CCNA1: variants seen among roughly 807,000 people sequenced by gnomAD.
CCNA1 encodes cyclin A1.
Under a neutral mutation model 54.1 loss-of-function variants are expected in CCNA1, and 23 were observed. That is an observed-to-expected ratio of 0.42 (90% CI 0.31 to 0.60). The LOEUF (loss-of-function observed/expected upper bound fraction) is 0.60, where lower values mean the gene tolerates loss of function less well. CCNA1 is among the 20% of genes least tolerant of loss of function. The pLI, the probability that CCNA1 is intolerant of heterozygous loss-of-function variation, is 0.14. For missense variants in CCNA1, 450 were observed against 556.7 expected (o/e 0.81, Z 1.93); for synonymous variants, 208 against 213.9 (o/e 0.97, Z 0.24).
intron 8 of CCNA1, 96 bp from the exon 9 acceptor site, chr13:36,442,518 A>G: frequency 2.3e-6 from 3 of 1,289,834 alleles, no homozygotes; most frequent in Non-Finnish European, 3.3e-6. Context: ...CCTTCCTTCC[A>G]TTCTGTTAAA....
intron 5 of CCNA1, among the ~76,000 whole-genome samples, chr13:36,439,427 A>T (rs2055848951): frequency 6.6e-6 from 1 of 152,222 alleles, no homozygotes; most frequent in South Asian, 2.1e-4. Flanking sequence ...TCTATTGTTA[A>T]TGCAGAAAAA....
At chr13:36,435,811 A>G (rs1350545131) in intron 2 of CCNA1, among the ~76,000 whole-genome samples, 2 of 152,110 alleles carry the variant, frequency 1.3e-5, no homozygotes, top group Non-Finnish European at 2.9e-5. Flanking sequence ...AGGTCATATA[A>G]TAAGCAACGT....
intron 4 of CCNA1, 107 bp from the exon 5 acceptor site, chr13:36,438,537 C>A: frequency 2.6e-6 from 2 of 780,684 alleles, no homozygotes; most frequent in South Asian, 3.6e-5. Context: ...TGGCTCTGAT[C>A]AGAATCTTTC....
chr13:36,437,484 T>C, intron 2 of CCNA1, 145 bp from the exon 3 acceptor site: 1 of 800,758 alleles, frequency 1.2e-6, no homozygotes, highest in African/African-American at 1.7e-5. Flanking sequence ...GAAGACCTTT[T>C]TTTTTTGGAA....
chr13:36,434,181 A>G (rs1354265547), intron 2 of CCNA1, among the ~76,000 whole-genome samples: 4 of 152,230 alleles, frequency 2.6e-5, no homozygotes, highest in African/African-American at 9.6e-5. Context: ...GAAGGCAGAC[A>G]TCTTCCCAGT....
rs1249425100 is a variant in CCNA1 at position 36,438,728 on chromosome 13, G to C, written c.754G>C (p.Val252Leu). The change falls in exon 5 of 9, where the codon GTG (valine) becomes CTG (leucine). Residue 252 changes from valine to leucine, a missense_variant. Val to Leu is a conservative substitution (Grantham distance 32). Coordinates refer to ENST00000255465, the MANE Select transcript of CCNA1 (RefSeq NM_003914.4). ...GCGCACGATTCTGGTGGACTGGCTGGTGGAGGTTGGGGAAGAATATAAACT... is the reference window on the plus strand; with the variant it reads ...GCGCACGATTCTGGTGGACTGGCTGCTGGAGGTTGGGGAAGAATATAAACT... The C allele has an allele frequency of 2.5e-6, 4 of 1,614,012 alleles. No individual in the cohort carries two copies. The South Asian group carries it at 4.4e-5, about 18-fold the overall frequency.
At chr13:36,433,262 C>G (rs2055739695) in intron 2 of CCNA1, 41 bp downstream of exon 2, 1 of 1,525,490 alleles carries the variant, frequency 6.6e-7, no homozygotes, top group Non-Finnish European at 8.9e-7. Context: ...TTGTGGAGAA[C>G]AGCTCTCCTG....
chr13:36,435,528 T>C (rs986469910), intron 2 of CCNA1, among the ~76,000 whole-genome samples: 7 of 152,246 alleles, frequency 4.6e-5, no homozygotes, highest in Non-Finnish European at 1.0e-4. Flanking sequence ...CTCATTCAGC[T>C]TGTAGAACAC....
At chr13:36,439,232 T>C (rs1283954332) in intron 5 of CCNA1, among the ~76,000 whole-genome samples, 2 of 152,226 alleles carry the variant, frequency 1.3e-5, no homozygotes, top group Non-Finnish European at 2.9e-5. Context: ...ATCTAGCAAA[T>C]GACCCATAAT....
In CCNA1 at chr13:36,434,835, C is replaced by G. The variant is rs566004615; in HGVS notation, c.297+1614C>G. 8.9e-3 allele frequency among the ~76,000 whole-genome samples: 1,294 copies of G among 145,272 alleles called. 35 individuals are homozygous for G. Among genetic ancestry groups the G allele is most frequent in the African/African-American group, 0.031 (1,229 of 40,072 alleles). ...TGCTGTCATGAGAGGTGCCCCCCCC[C>G]CCGCGCCATGCGTACAATATACTCG... On this transcript the variant is annotated intron_variant, in intron 2 of 8. Transcript: ENST00000255465.
chr13:36,436,683 G>C (rs1166579556), intron 2 of CCNA1, among the ~76,000 whole-genome samples: 1 of 152,116 alleles, frequency 6.6e-6, no homozygotes, highest in African/African-American at 2.4e-5. Context: ...TTGTCTTTGT[G>C]ATTTCCCCCC....
At chr13:36,433,340 A>C in intron 2 of CCNA1, 119 bp downstream of exon 2, 3 of 510,094 alleles carry the variant, frequency 5.9e-6, no homozygotes, top group South Asian at 1.1e-4. Context: ...CAACCCTGGA[A>C]TCTGGACTAC....
At chr13:36,431,996 C>T (rs1253572691), upstream of CCNA1, 1 of 152,978 alleles carries the variant, frequency 6.5e-6, no homozygotes, top group Non-Finnish European at 1.5e-5. Flanking sequence ...TGGGCGAGTC[C>T]GCCCTCCCAG....
In CCNA1 at chr13:36,442,716, A is replaced by G. The variant is rs1014709375; in HGVS notation, c.*51A>G. 1 of 1,443,924 alleles carries G rather than the reference A, an allele frequency of 6.9e-7. No individual in the cohort carries two copies. The highest frequency in any genetic ancestry group is 9.7e-7 in the Non-Finnish European group (1 of 1,026,586). 89.4% of individuals were successfully genotyped at this position (1,443,924 alleles called of 1,614,324 possible). Reference sequence around the variant, plus strand: ...ACTTCACCTCCATATCAGAAGTGCCAATAATCGTCATAGGCTTCTGCACGT... The same window carrying G: ...ACTTCACCTCCATATCAGAAGTGCCGATAATCGTCATAGGCTTCTGCACGT... On this transcript the variant is annotated 3_prime_UTR_variant, in exon 9 of 9. Transcript: ENST00000255465.
Position 36,438,766 on chromosome 13 carries a change from C to G in CCNA1, c.792C>G (p.Thr264=), listed in dbSNP as rs1411495443. ...AAGAATATAAACTTCGAGCAGAGAC[C>G]CTGTATCTGGCTGTCAACTTCCTGG... is the stretch of plus-strand genomic sequence containing the variant. Residue 264 remains threonine, a synonymous_variant, in exon 5 of 9, where the codon ACC becomes ACG. Transcript: ENST00000255465. The G allele has an allele frequency of 6.2e-7, 1 of 1,613,852 alleles. No homozygotes were observed.
At chr13:36,433,411 T>TTCGTTCGTTCG (rs1566169517) in intron 2 of CCNA1, among the ~76,000 whole-genome samples, 190 bp downstream of exon 2, 1 of 115,984 alleles carries the variant, frequency 8.6e-6, no homozygotes, top group African/African-American at 3.6e-5. Flanking sequence ...TCTTTCTTTC[T>TTCGTTCGTTCG]TTCTTTCTTT....
At chr13:36,440,615 C>G (rs1439258951) in intron 6 of CCNA1, among the ~76,000 whole-genome samples, 1 of 152,200 alleles carries the variant, frequency 6.6e-6, no homozygotes, top group Non-Finnish European at 1.5e-5. Context: ...CTTTGGTCAA[C>G]TGGGTTTCCA....
chr13:36,432,237 C>T (rs949343667), upstream of CCNA1: 1 of 193,486 alleles, frequency 5.2e-6, no homozygotes, highest in Non-Finnish European at 1.0e-5. Context: ...GAAACGCTCC[C>T]GCTAGGTCCG....
chr13:36,433,112 C>A lies in CCNA1; in HGVS notation c.188C>A (p.Pro63His). Residue 63 changes from proline (P) to histidine (H), a missense_variant, in exon 2 of 9, where the codon CCC becomes CAC. Pro to His is a moderately conservative substitution (Grantham distance 77, BLOSUM62 -2). Coordinates refer to ENST00000255465, the MANE Select transcript of CCNA1 (RefSeq NM_003914.4). ...GTGCTGGCTACAGTGGCCCGAGGTC[C>A]CGATGCTTGTCAGATACTCACCAGA... 6.2e-7 allele frequency: 1 copy of A among 1,614,184 alleles called. No individual in the cohort carries two copies. The highest frequency in any genetic ancestry group is 8.5e-7 in the Non-Finnish European group (1 of 1,180,032).
Sources: allele counts gnomAD v4.1 joint callset (sites outside exome capture counted in the v4.1 genomes callset), GRCh38; gene constraint gnomAD v4.1.1; transcripts MANE v1.5; gene names NCBI Gene and HGNC (gene_info 2026-07-23, HGNC 2026-07-21).